CDH2: variants seen among roughly 807,000 people sequenced by gnomAD.
The protein encoded by CDH2 is cadherin 2.
Under a neutral mutation model 92.0 loss-of-function variants are expected in CDH2, and 17 were observed. That is an observed-to-expected ratio of 0.18 (90% CI 0.13 to 0.28). CDH2 has a LOEUF of 0.28. Ranked by LOEUF, CDH2 falls within the 10% of genes least tolerant of loss-of-function variation. The pLI, the probability that CDH2 is intolerant of heterozygous loss-of-function variation, is 1.00. For synonymous variants in CDH2, 419 were observed against 415.9 expected (o/e 1.01, Z -0.09); for missense variants, 862 against 1,133.1 (o/e 0.76, Z 3.44).
chr18:27,996,991 T>C (rs2012604925), intron 7 of CDH2, among the ~76,000 whole-genome samples: 1 of 152,232 alleles, frequency 6.6e-6, no homozygotes. Context: ...CACTTCCTAT[T>C]TATATTGACA....
In CDH2 at chr18:27,992,801, CTAT is replaced by C; in HGVS notation, c.1195_1197del (p.Ile399del). The C allele has an allele frequency of 1.2e-6, 2 of 1,613,988 alleles. No individual in the cohort carries two copies. Among genetic ancestry groups the C allele is most frequent in the Non-Finnish European group, 1.7e-6 (2 of 1,179,912 alleles). ...TTATCGGTCACAGTTAGATTAGCTACTATGATGTCTACCCTGTTCTCAGGAACT... is the reference window on the plus strand; with the variant it reads ...TTATCGGTCACAGTTAGATTAGCTACGATGTCTACCCTGTTCTCAGGAACT... On this transcript the variant is annotated inframe_deletion, in exon 9 of 16. Coordinates refer to ENST00000269141, the MANE Select transcript of CDH2 (RefSeq NM_001792.5).
At chr18:27,943,921 T>C (rs1169685110) in intron 6 of CDH2, among the ~76,000 whole-genome samples, 1 of 152,098 alleles carries the variant, frequency 6.6e-6, no homozygotes, top group Admixed American at 6.5e-5. Flanking sequence ...GTATTCCAGG[T>C]GAAAAAACTG....
chr18:28,031,526 C>T (rs2013695514), intron 2 of CDH2, among the ~76,000 whole-genome samples: 1 of 152,110 alleles, frequency 6.6e-6, no homozygotes, highest in Non-Finnish European at 1.5e-5. Context: ...AAGCCCCTGG[C>T]CCTTTAACCT....
At chr18:28,002,900 T>C (rs2012809540) in intron 7 of CDH2, 97 bp downstream of exon 7, 2 of 1,055,390 alleles carry the variant, frequency 1.9e-6, no homozygotes, top group Admixed American at 1.9e-5. Flanking sequence ...AATAACACTG[T>C]GAGTATATTG....
At chr18:27,958,825 G>C (rs2011323452) in intron 15 of CDH2, among the ~76,000 whole-genome samples, 1 of 152,128 alleles carries the variant, frequency 6.6e-6, no homozygotes, top group Admixed American at 6.6e-5. Context: ...GCGTTCTCAT[G>C]AGATCTGATG....
chr18:28,137,484 G>A (rs2015882105), intron 2 of CDH2, among the ~76,000 whole-genome samples: 1 of 151,942 alleles, frequency 6.6e-6, no homozygotes, highest in South Asian at 2.1e-4. Context: ...CAACCAGAGT[G>A]ATCTATAAAA....
chr18:28,026,977 A>G (rs1039370658), intron 2 of CDH2, among the ~76,000 whole-genome samples: 14 of 152,138 alleles, frequency 9.2e-5, no homozygotes, highest in African/African-American at 3.1e-4. Context: ...GAAGCATTTA[A>G]AAGTTGATGC....
intron 2 of CDH2, among the ~76,000 whole-genome samples, chr18:28,106,930 C>G (rs906745408): frequency 1.3e-5 from 2 of 152,020 alleles, no homozygotes; most frequent in Admixed American, 1.3e-4. Flanking sequence ...AAGGGACAAC[C>G]TAATCTGGCA....
chr18:28,104,943 CT>C (rs1475391183), intron 2 of CDH2, among the ~76,000 whole-genome samples: 1 of 151,940 alleles, frequency 6.6e-6, no homozygotes, highest in Non-Finnish European at 1.5e-5. Flanking sequence ...TAAAAGTTCA[CT>C]CCTGTCTAGC....
At chr18:27,944,050 T>G (rs1426617786) in intron 6 of CDH2, among the ~76,000 whole-genome samples, 4 of 152,184 alleles carry the variant, frequency 2.6e-5, no homozygotes, top group African/African-American at 9.7e-5. Flanking sequence ...TACAATAGTA[T>G]CAGCCTCTGA....
At chr18:27,980,639 G>T (rs532826557) in intron 14 of CDH2, among the ~76,000 whole-genome samples, 1 of 152,138 alleles carries the variant, frequency 6.6e-6, no homozygotes, top group African/African-American at 2.4e-5. Flanking sequence ...TGCTATCAAA[G>T]AACCCAGAGG....
intron 1 of CDH2, among the ~76,000 whole-genome samples, chr18:28,170,916 C>A (rs1300917712): frequency 6.9e-6 from 1 of 144,996 alleles, no homozygotes; most frequent in East Asian, 2.0e-4. Flanking sequence ...TACATGCATA[C>A]CTGTACCAAA....
chr18:28,168,315 A>G (rs1334860730), intron 1 of CDH2, among the ~76,000 whole-genome samples: 2 of 152,164 alleles, frequency 1.3e-5, no homozygotes, highest in Non-Finnish European at 2.9e-5. Context: ...ACTTGTCTGC[A>G]GTGGGTCATT....
chr18:28,081,854 A>G (rs552947951), intron 2 of CDH2, among the ~76,000 whole-genome samples: 18 of 152,362 alleles, frequency 1.2e-4, no homozygotes, highest in South Asian at 1.0e-3. Context: ...AATAATGCTT[A>G]TCAAAGGTTA....
downstream of CDH2, among the ~76,000 whole-genome samples, chr18:27,950,607 G>T (rs1909395456): frequency 6.6e-6 from 1 of 152,058 alleles, no homozygotes; most frequent in African/African-American, 2.4e-5. Flanking sequence ...CCCTTATGGT[G>T]GTGGCTCTAA....
chr18:27,990,202 G>A lies in CDH2; in HGVS notation c.1493C>T (p.Ala498Val). 6.2e-7 allele frequency: 1 copy of A among 1,614,104 alleles called. No homozygotes were observed. The highest frequency in any genetic ancestry group is 8.5e-7 in the Non-Finnish European group (1 of 1,179,986). The change falls in exon 10 of 16, where the codon GCC (alanine) becomes GTC (valine). Residue 498 changes from alanine (A) to valine (V), a missense_variant. Physicochemically the swap from Ala to Val is moderately conservative, Grantham distance 64. Around this residue, in one of 5 missense-constraint regions of CDH2, gnomAD observed 564 missense variants for 722.2 expected, o/e 0.78. Transcript: ENST00000269141. ...TTGGCGAATGATCTTAGGATTGGGG[G>A]CAAAATAAGGGTTTTCATTTACGTC... is the stretch of plus-strand genomic sequence containing the variant. ...VIDVNENPYF[A>V]PNPKIIRQEE...
chr18:28,105,384 A>C, intron 2 of CDH2, among the ~76,000 whole-genome samples: 1 of 152,330 alleles, frequency 6.6e-6, no homozygotes, highest in Admixed American at 6.5e-5. Flanking sequence ...TTGTGATTTC[A>C]GATAATTCAG....
intron 2 of CDH2, among the ~76,000 whole-genome samples, chr18:28,040,235 C>G (rs768115876): frequency 4.6e-5 from 7 of 152,088 alleles, no homozygotes; most frequent in Non-Finnish European, 7.4e-5. Context: ...TAAAGAGAAC[C>G]ACCCCAGAAT....
At chr18:28,068,624 A>C (rs1567985891) in intron 2 of CDH2, among the ~76,000 whole-genome samples, 1 of 152,212 alleles carries the variant, frequency 6.6e-6, no homozygotes, top group Non-Finnish European at 1.5e-5. Context: ...AGCTTCACTG[A>C]GCCTTGTTCG....
Sources: allele counts gnomAD v4.1 joint callset (sites outside exome capture counted in the v4.1 genomes callset), GRCh38; gene constraint gnomAD v4.1.1; regional missense constraint gnomAD v4.1.1; transcripts MANE v1.5; gene names NCBI Gene and HGNC (gene_info 2026-07-23, HGNC 2026-07-21).